Variants in HAT1 observed in about 807,000 individuals in gnomAD.
HAT1 encodes histone acetyltransferase type B catalytic subunit.
HAT1 carries 20 observed loss-of-function variants against 56.6 expected under a neutral mutation model. The observed-to-expected ratio is 0.35, with a 90% CI of 0.25 to 0.51. The LOEUF (loss-of-function observed/expected upper bound fraction) is 0.51, where lower values mean the gene tolerates loss of function less well. HAT1 is among the 20% of genes least tolerant of loss of function. The probability of loss-of-function intolerance (pLI) is 0.95; values close to 1 mark genes in which losing one functional copy is unlikely to be tolerated. For missense variants in HAT1, 408 were observed against 504.3 expected (o/e 0.81, Z 1.83); for synonymous variants, 146 against 165.5 (o/e 0.88, Z 0.91).
At chr2:171,945,498 A>ATTTT (rs71013093) in intron 2 of HAT1, among the ~76,000 whole-genome samples, 2 of 122,586 alleles carry the variant, frequency 1.6e-5, no homozygotes, top group African/African-American at 3.0e-5. Flanking sequence ...GCTATCTATA[A>ATTTT]TTTTTTTTTT....
intron 8 of HAT1, among the ~76,000 whole-genome samples, chr2:171,970,552 C>T (rs1204767276): frequency 1.8e-5 from 2 of 111,980 alleles, no homozygotes; most frequent in Non-Finnish European, 3.3e-5. Context: ...CGGAGTCTCC[C>T]TCTGTCCCCC....
At chr2:171,927,751 G>C (rs1686633980) in intron 2 of HAT1, among the ~76,000 whole-genome samples, 1 of 150,516 alleles carries the variant, frequency 6.6e-6, no homozygotes, top group Non-Finnish European at 1.5e-5. Context: ...CCAGCCCTGG[G>C]TAATTTTTTT....
chr2:171,941,863 T>C lies in HAT1; in HGVS notation c.113-4845T>C, dbSNP rs74612721. On this transcript the variant is annotated intron_variant, in intron 2 of 10. Coordinates refer to ENST00000264108, the MANE Select transcript of HAT1 (RefSeq NM_003642.4). The stretch of plus-strand genomic sequence containing the variant: ...AGGTGCCATTTAGTATTCCAGGCCC[T>C]GAGCTTCCATTTTTCTACAAAAGTG... Among the ~76,000 whole-genome samples the C allele has an allele frequency of 3.1e-3, 475 of 152,310 alleles. 1 individual carries two copies. Among genetic ancestry groups the C allele is most frequent in the Non-Finnish European group, 5.0e-3 (341 of 68,004 alleles).
At chr2:171,954,151 T>A (rs1239778915) in intron 4 of HAT1, among the ~76,000 whole-genome samples, 2 of 152,250 alleles carry the variant, frequency 1.3e-5, no homozygotes, top group East Asian at 3.8e-4. Context: ...ATCAGAGTTT[T>A]ATTTTTTTGC....
chr2:171,973,978 G>A (rs1025928187), intron 8 of HAT1, among the ~76,000 whole-genome samples: 1 of 151,876 alleles, frequency 6.6e-6, no homozygotes, highest in East Asian at 1.9e-4. Flanking sequence ...CCAGGAGTTC[G>A]AGAGCAGCCT....
In HAT1 at chr2:171,952,901, A is replaced by G. The variant is rs1232348462; in HGVS notation, c.209A>G (p.Lys70Arg). Residue 70 changes from lysine (K) to arginine (R), a missense_variant, in exon 4 of 11, where the codon AAG (lysine) becomes AGG (arginine). By Grantham distance (26) the Lys-to-Arg change is conservative. Transcript: ENST00000264108. ...FGDDETAFGY[K>R]GLKILLYYIA... ...TTCAGTGAAACTGCTTTTGGTTACA[A>G]GGGTCTAAAGATCCTGTTATACTAT... 6.9e-6 allele frequency: 11 copies of G among 1,588,632 alleles called. No homozygotes were observed. Among genetic ancestry groups the G allele is most frequent in the Non-Finnish European group, 8.6e-6 (10 of 1,165,172 alleles).
chr2:171,930,474 G>T (rs1686714142), intron 2 of HAT1, among the ~76,000 whole-genome samples: 1 of 152,200 alleles, frequency 6.6e-6, no homozygotes, highest in South Asian at 2.1e-4. Context: ...ACCTAAAAAT[G>T]ATATACTTTA....
At chr2:171,956,942 G>C (rs968596836) in intron 4 of HAT1, among the ~76,000 whole-genome samples, 2 of 152,184 alleles carry the variant, frequency 1.3e-5, no homozygotes, top group Non-Finnish European at 2.9e-5. Flanking sequence ...ATAACCTTTT[G>C]CTAGTGCTGA....
intron 8 of HAT1, among the ~76,000 whole-genome samples, chr2:171,973,069 C>T (rs1687859425): frequency 6.6e-6 from 1 of 152,162 alleles, no homozygotes; most frequent in Non-Finnish European, 1.5e-5. Context: ...CAGGCAATCT[C>T]TTGCCTGATG....
chr2:171,958,338 T>A (rs971752387), intron 4 of HAT1, among the ~76,000 whole-genome samples: 1 of 152,044 alleles, frequency 6.6e-6, no homozygotes, highest in African/African-American at 2.4e-5. Flanking sequence ...TCCCGTTATT[T>A]TTTTTTTTAA....
At chr2:171,942,465 C>G (rs899337704) in intron 2 of HAT1, among the ~76,000 whole-genome samples, 2 of 152,110 alleles carry the variant, frequency 1.3e-5, no homozygotes, top group Non-Finnish European at 2.9e-5. Flanking sequence ...GTATCATGTT[C>G]TGTTCACTTA....
chr2:171,963,662 T>C (rs1239130709), intron 4 of HAT1, among the ~76,000 whole-genome samples: 1 of 152,226 alleles, frequency 6.6e-6, no homozygotes, highest in Non-Finnish European at 1.5e-5. Flanking sequence ...TATACTGTTT[T>C]ACTCATCACT....
At chr2:171,936,802 T>A (rs1450606349) in intron 2 of HAT1, among the ~76,000 whole-genome samples, 1 of 152,162 alleles carries the variant, frequency 6.6e-6, no homozygotes, top group African/African-American at 2.4e-5. Context: ...TGCTAAGATT[T>A]CAGTTATTTA....
At chr2:171,980,479 A>G (rs931069293) in intron 10 of HAT1, 1 of 151,924 alleles carries the variant, frequency 6.6e-6, no homozygotes, top group Non-Finnish European at 1.5e-5. Context: ...CATCTTCCAT[A>G]TTTTCCCTCC....
At chr2:171,941,800 G>T (rs1267467940) in intron 2 of HAT1, among the ~76,000 whole-genome samples, 1 of 152,196 alleles carries the variant, frequency 6.6e-6, no homozygotes, top group African/African-American at 2.4e-5. Context: ...GCCACAAACC[G>T]ATACATGGTG....
In HAT1 at chr2:171,965,768, T is replaced by C; in HGVS notation, c.490-19T>C. 6.2e-7 allele frequency: 1 copy of C among 1,610,526 alleles called. No homozygotes were observed. ...CTTTGTGATGAGTTTCACCTGACTT[T>C]TCCTGGCTTTTTCCCTAGGCTGACA... On this transcript the variant is annotated intron_variant, in intron 5 of 10. Transcript: ENST00000264108.
chr2:171,977,572 T>TTC (rs1688020838), intron 9 of HAT1, among the ~76,000 whole-genome samples: 1 of 86,288 alleles, frequency 1.2e-5, no homozygotes, highest in African/African-American at 4.5e-5. Flanking sequence ...TTTTTTTTTT[T>TTC]TTTTTTTAAT....
chr2:171,951,668 G>T (rs889345358), intron 3 of HAT1, among the ~76,000 whole-genome samples: 4 of 137,602 alleles, frequency 2.9e-5, no homozygotes, highest in Non-Finnish European at 4.6e-5. Flanking sequence ...CTGACTTCCA[G>T]TGATCCCCCC....
At chr2:171,976,640 G>T (rs924733047) in intron 9 of HAT1, among the ~76,000 whole-genome samples, 25 of 152,110 alleles carry the variant, frequency 1.6e-4, no homozygotes, top group African/African-American at 6.0e-4. Flanking sequence ...TGTACCCCTG[G>T]AGACATTATT....
Sources: allele counts gnomAD v4.1 joint callset (sites outside exome capture counted in the v4.1 genomes callset), GRCh38; gene constraint gnomAD v4.1.1; transcripts MANE v1.5; gene names NCBI Gene and HGNC (gene_info 2026-07-23, HGNC 2026-07-21).